Variants in ANK1 observed in about 807,000 individuals in gnomAD.
ANK1 encodes the protein ankyrin 1.
A neutral mutation model predicts 210.4 loss-of-function variants in ANK1; 51 were observed. The observed-to-expected ratio is 0.24, with a 90% confidence interval of 0.19 to 0.31. The LOEUF (loss-of-function observed/expected upper bound fraction) is 0.31, where lower values mean the gene tolerates loss of function less well. Ranked by LOEUF, ANK1 falls within the 10% of genes least tolerant of loss-of-function variation. The pLI is 1.00. For synonymous variants in ANK1, 967 were observed against 1,025.9 expected (o/e 0.94, Z 1.10); for missense variants, 2,051 against 2,504.4 (o/e 0.82, Z 3.86).
At chr8:41,666,610 A>G (rs776461949) in intron 39 of ANK1, among the ~76,000 whole-genome samples, 2 of 152,238 alleles carry the variant, frequency 1.3e-5, no homozygotes, top group African/African-American at 2.4e-5. Context: ...CAATCTCTCT[A>G]TCTCCATCAC....
chr8:41,829,926 ACT>A (rs1446910976), intron 1 of ANK1: 2 of 108,218 alleles, frequency 1.8e-5, no homozygotes, highest in Middle Eastern at 6.7e-3. Context: ...ACAGAGCGAG[ACT>A]CTGTCTCAAA....
rs1241969490 is a variant in ANK1 at position 41,714,143 on chromosome 8, G to A, written c.1800+13C>T. On this transcript the variant is annotated intron_variant, in intron 16 of 42. Transcript: ENST00000289734. ...GCTCTCCAGGGGCAGCTGGGGAGAG[G>A]GGCGGGCCTTACCCAGGCAGGGCTG... The A allele has an allele frequency of 3.0e-6, 4 of 1,343,454 alleles. No homozygotes were observed. In the Admixed American group the frequency reaches 8.1e-5, roughly 27 times the overall value. The allele number at this position is 1,343,454 out of a possible 1,614,324, so 83.2% of individuals were successfully genotyped here. A position where few individuals can be genotyped will look rare whatever the true frequency, so the allele number is the denominator to read the frequency against.
intron 3 of ANK1, 112 bp downstream of exon 3, chr8:41,733,859 A>C (rs1832794805): frequency 1.1e-6 from 1 of 884,090 alleles, no homozygotes; most frequent in Non-Finnish European, 1.9e-6. Context: ...TTGGAAGGAT[A>C]AGAGAAATTC....
At chr8:41,720,718 T>C (rs1035495853) in intron 9 of ANK1, among the ~76,000 whole-genome samples, 1 of 151,894 alleles carries the variant, frequency 6.6e-6, no homozygotes, top group Non-Finnish European at 1.5e-5. Context: ...GGAGGGGCAC[T>C]GGGAGGGAGG....
At chr8:41,664,181 G>C in intron 39 of ANK1, 1 of 457,642 alleles carries the variant, frequency 2.2e-6, no homozygotes. Context: ...GAAACAGGAC[G>C]ATCCGGGTGC....
rs372231568 is a variant in ANK1 at position 41,692,678 on chromosome 8, G to A, written c.3828C>T (p.Phe1276=). 32 of 1,613,784 alleles carry A rather than the reference G, an allele frequency of 2.0e-5. No individual in the cohort carries two copies. Among genetic ancestry groups the A allele is most frequent in the African/African-American group, 9.3e-5 (7 of 74,880 alleles). Reference sequence around the variant, plus strand: ...TGTCCCTGCTCCGGGCCACCTCCACGAAGTTCTCATGCTGCTCCAGGGTCT... The same window carrying A: ...TGTCCCTGCTCCGGGCCACCTCCACAAAGTTCTCATGCTGCTCCAGGGTCT... ...VDKTLEQHEN[F]VEVARSRDIE... is the part of the protein sequence containing the mutation. The change falls in exon 31 of 43, where the codon TTC becomes TTT. Residue 1276 remains phenylalanine (F), a synonymous_variant. Coordinates refer to ENST00000289734, the MANE Select transcript of ANK1 (RefSeq NM_000037.4).
intron 1 of ANK1, among the ~76,000 whole-genome samples, chr8:41,875,814 C>G (rs2150827999): frequency 6.6e-6 from 1 of 152,314 alleles, no homozygotes; most frequent in Admixed American, 6.5e-5. Context: ...TTCCTCTTGG[C>G]AGTGTTTTGT....
At chr8:41,754,451 G>A (rs145766289) in intron 2 of ANK1, among the ~76,000 whole-genome samples, 5 of 152,222 alleles carry the variant, frequency 3.3e-5, no homozygotes, top group African/African-American at 1.2e-4. Context: ...CTCTTTCCAC[G>A]CTACTTAGAG....
At chr8:41,871,269 C>T (rs143310220) in intron 1 of ANK1, among the ~76,000 whole-genome samples, 2 of 152,312 alleles carry the variant, frequency 1.3e-5, no homozygotes, top group Non-Finnish European at 2.9e-5. Context: ...GGCCTCCTAA[C>T]CTCCGCAGAA....
intron 37 of ANK1, among the ~76,000 whole-genome samples, chr8:41,680,116 T>G (rs1344799289): frequency 6.6e-6 from 1 of 152,152 alleles, no homozygotes; most frequent in Non-Finnish European, 1.5e-5. Context: ...TGGATGAACA[T>G]TCCATCACTC....
At chr8:41,798,171 G>C (rs1198266516), upstream of ANK1, among the ~76,000 whole-genome samples, 1 of 151,950 alleles carries the variant, frequency 6.6e-6, no homozygotes, top group East Asian at 2.0e-4. Flanking sequence ...TGCGGGTGTG[G>C]GGCGCAGGAG....
chr8:41,880,558 G>A (rs572013908), intron 1 of ANK1, among the ~76,000 whole-genome samples: 10 of 152,298 alleles, frequency 6.6e-5, no homozygotes, highest in Middle Eastern at 3.4e-3. Context: ...CTGTCCCACC[G>A]ATATGTCCTG....
chr8:41,692,392 C>G (rs1819523589), intron 31 of ANK1, among the ~76,000 whole-genome samples: 1 of 152,230 alleles, frequency 6.6e-6, no homozygotes, highest in Non-Finnish European at 1.5e-5. Flanking sequence ...GTGCACAAGA[C>G]CTTCGGCAAA....
intron 1 of ANK1, among the ~76,000 whole-genome samples, chr8:41,761,373 AC>A (rs1563694767): frequency 6.9e-5 from 5 of 72,640 alleles, no homozygotes; most frequent in African/African-American, 2.2e-4. Context: ...ACCTGTGTGC[AC>A]ACACACACAC....
intron 16 of ANK1, among the ~76,000 whole-genome samples, chr8:41,710,397 T>C (rs1825805817): frequency 6.6e-6 from 1 of 152,240 alleles, no homozygotes; most frequent in Admixed American, 6.5e-5. Context: ...AACTTCTGAT[T>C]GCACAGCCCA....
rs182884155 is a variant in ANK1 at position 41,871,389 on chromosome 8, C to T, written c.126+24966G>A. The stretch of plus-strand genomic sequence containing the variant: ...GCAGCATGATCACAGCTCACTGCAG[C>T]GTCAAACTCCTGGGTTCAAGCCATC... On this transcript the variant is annotated intron_variant, in intron 1 of 42. Transcript: ENST00000265709. 4.6e-5 allele frequency among the ~76,000 whole-genome samples: 7 copies of T among 152,256 alleles called. No individual in the cohort carries two copies. In the East Asian group the frequency reaches 1.2e-3, roughly 25 times the overall value.
chr8:41,780,214 T>C (rs1415048171), intron 1 of ANK1, among the ~76,000 whole-genome samples: 6 of 151,960 alleles, frequency 3.9e-5, no homozygotes, highest in Admixed American at 1.3e-4. Context: ...TCTTTTAGAA[T>C]TTTTTTTAGA....
intron 39 of ANK1, among the ~76,000 whole-genome samples, chr8:41,666,821 T>C (rs1029804068): frequency 5.9e-5 from 9 of 152,238 alleles, no homozygotes; most frequent in African/African-American, 2.2e-4. Context: ...GATGTAGGGC[T>C]TGGGAACTGA....
At chr8:41,866,832 T>G (rs1412103319) in intron 1 of ANK1, among the ~76,000 whole-genome samples, 1 of 152,240 alleles carries the variant, frequency 6.6e-6, no homozygotes, top group African/African-American at 2.4e-5. Flanking sequence ...ATGTATACGC[T>G]GCATTTTCTT....
Sources: allele counts gnomAD v4.1 joint callset (sites outside exome capture counted in the v4.1 genomes callset), GRCh38; gene constraint gnomAD v4.1.1; transcripts MANE v1.5; gene names NCBI Gene and HGNC (gene_info 2026-07-23, HGNC 2026-07-21).